The following SORCS3 variants were observed in gnomAD, a reference collection of about 807,000 sequenced individuals.
SORCS3 encodes the protein sortilin related VPS10 domain containing receptor 3, also known as VPS10 domain-containing receptor SorCS3.
SORCS3 carries 57 observed loss-of-function variants against 146.3 expected under a neutral mutation model. The ratio of observed to expected loss-of-function variants is 0.39; its 90% CI spans 0.31 to 0.49. SORCS3 has a LOEUF of 0.49. Ranked by LOEUF, SORCS3 falls within the 20% of genes least tolerant of loss-of-function variation. SORCS3 has a pLI of 0.92. For missense variants in SORCS3, 1,341 were observed against 1,575.5 expected (o/e 0.85, Z 2.52); for synonymous variants, 653 against 618.5 (o/e 1.06, Z -0.83).
At position 104,646,341 on chromosome 10, in the gene SORCS3, T is replaced by G. The variant is rs1429099559; in HGVS notation, c.627+4387T>G. On this transcript the variant is annotated intron_variant, in intron 1 of 26. Transcript: ENST00000369701. Reference sequence around the variant, plus strand: ...TGCTTTGTAGCTGGCAAAGAAGGAATGCCCGGGAGTGGCTTCTCCAGTGGT... The same window carrying G: ...TGCTTTGTAGCTGGCAAAGAAGGAAGGCCCGGGAGTGGCTTCTCCAGTGGT... Among the ~76,000 whole-genome samples, 4 of 152,232 alleles carry G rather than the reference T, an allele frequency of 2.6e-5. No homozygotes were observed. The East Asian group carries it at 7.7e-4, about 29-fold the overall frequency.
At chr10:104,902,626 G>C (rs1310492472) in intron 2 of SORCS3, among the ~76,000 whole-genome samples, 1 of 152,228 alleles carries the variant, frequency 6.6e-6, no homozygotes, top group South Asian at 2.1e-4. Context: ...GGAAGTGGCT[G>C]TCTTCATCTT....
chr10:104,930,827 C>T (rs188591046), intron 3 of SORCS3, among the ~76,000 whole-genome samples: 36 of 152,244 alleles, frequency 2.4e-4, no homozygotes, highest in Non-Finnish European at 3.5e-4. Context: ...TCTCTTTCCT[C>T]GTCTGTGTAA....
chr10:105,066,769 G>T lies in SORCS3; in HGVS notation c.1029-23006G>T, dbSNP rs182549667. 6.6e-5 allele frequency among the ~76,000 whole-genome samples: 10 copies of T among 152,000 alleles called. No individual in the cohort carries two copies. The Middle Eastern group carries it at 0.014, about 207-fold the overall frequency. The stretch of plus-strand genomic sequence containing the variant: ...TATTCCTCCTATTTGGAGGAGTCAG[G>T]CTCCTCCAAATCATGACCATTTCTT... On this transcript the variant is annotated intron_variant, in intron 5 of 26. Coordinates refer to ENST00000369701, the MANE Select transcript of SORCS3 (RefSeq NM_014978.3).
chr10:104,653,644 T>C (rs994441165), intron 1 of SORCS3, among the ~76,000 whole-genome samples: 2 of 152,202 alleles, frequency 1.3e-5, no homozygotes. Flanking sequence ...ATATTAATGC[T>C]TTAAAAATTT....
chr10:105,195,066 G>T (rs1030740150), intron 14 of SORCS3, among the ~76,000 whole-genome samples: 1 of 152,098 alleles, frequency 6.6e-6, no homozygotes, highest in Non-Finnish European at 1.5e-5. Flanking sequence ...AGTATTGCCC[G>T]ATTTGAGAAT....
At chr10:104,854,991 T>C (rs2018314072) in intron 2 of SORCS3, among the ~76,000 whole-genome samples, 1 of 152,228 alleles carries the variant, frequency 6.6e-6, no homozygotes, top group African/African-American at 2.4e-5. Flanking sequence ...TTCTAGTTTT[T>C]GGCTATGGAA....
chr10:104,804,135 A>G (rs1045946690), intron 1 of SORCS3, among the ~76,000 whole-genome samples: 5 of 152,322 alleles, frequency 3.3e-5, no homozygotes, highest in African/African-American at 1.2e-4. Flanking sequence ...CAATTTCCAC[A>G]GCTTTTTCAC....
rs377206312 is a variant in SORCS3 at position 105,217,140 on chromosome 10, T to G, written c.2734+18T>G. The G allele has an allele frequency of 1.2e-4, 190 of 1,611,516 alleles. 1 individual carries two copies. In the Admixed American group the frequency reaches 3.2e-3, roughly 27 times the overall value. ...TGTGGTTTGTAAGTAGGAGGCACCA[T>G]CCCCGTTTTCCCTTTGTTCCCAGTT... On this transcript the variant is annotated intron_variant, in intron 19 of 26. Transcript: ENST00000369701.
intron 1 of SORCS3, among the ~76,000 whole-genome samples, chr10:104,741,424 A>G (rs2016841215): frequency 6.6e-6 from 1 of 151,868 alleles, no homozygotes; most frequent in Non-Finnish European, 1.5e-5. Flanking sequence ...ACTGATGTGC[A>G]TTTCTTGGGT....
chr10:104,685,802 C>T (rs2016036934), intron 1 of SORCS3, among the ~76,000 whole-genome samples: 1 of 152,102 alleles, frequency 6.6e-6, no homozygotes, highest in South Asian at 2.1e-4. Flanking sequence ...CTAGTTCTAC[C>T]CTTTAAATGT....
At chr10:105,186,963 A>G (rs987676196) in intron 14 of SORCS3, among the ~76,000 whole-genome samples, 22 of 150,950 alleles carry the variant, frequency 1.5e-4, no homozygotes, top group Non-Finnish European at 2.7e-4. Context: ...CCTTGTTTCC[A>G]TCTCTTAGAG....
At chr10:105,218,405 G>T (rs562438788) in intron 19 of SORCS3, among the ~76,000 whole-genome samples, 1 of 152,196 alleles carries the variant, frequency 6.6e-6, no homozygotes, top group Non-Finnish European at 1.5e-5. Context: ...CTTAAAATGT[G>T]CAAGGCACTC....
At chr10:104,673,672 A>C (rs1428433140) in intron 1 of SORCS3, among the ~76,000 whole-genome samples, 1 of 151,986 alleles carries the variant, frequency 6.6e-6, no homozygotes, top group Non-Finnish European at 1.5e-5. Flanking sequence ...GGCTGATCTC[A>C]AATTCCTGGG....
At chr10:105,086,959 G>C (rs2055665150) in intron 5 of SORCS3, among the ~76,000 whole-genome samples, 1 of 152,136 alleles carries the variant, frequency 6.6e-6, no homozygotes, top group Admixed American at 6.5e-5. Context: ...AATTGCTTTT[G>C]GTGTTTTAGT....
chr10:104,977,060 A>C (rs2054903247), intron 3 of SORCS3, among the ~76,000 whole-genome samples: 1 of 152,018 alleles, frequency 6.6e-6, no homozygotes, highest in Non-Finnish European at 1.5e-5. Flanking sequence ...GAAGTATAAT[A>C]ATAAAAAAAA....
At chr10:105,118,240 GT>G (rs1320860483) in intron 7 of SORCS3, among the ~76,000 whole-genome samples, 4 of 152,260 alleles carry the variant, frequency 2.6e-5, no homozygotes, top group East Asian at 1.9e-4. Flanking sequence ...AGATCTGATG[GT>G]TTTTTAAGGG....
intron 4 of SORCS3, among the ~76,000 whole-genome samples, chr10:105,018,280 T>C (rs948434928): frequency 7.9e-5 from 12 of 152,344 alleles, no homozygotes; most frequent in Admixed American, 2.6e-4. Context: ...TCAGTAACTC[T>C]GGTGGAAAGA....
intron 9 of SORCS3, among the ~76,000 whole-genome samples, chr10:105,151,714 C>T (rs999250251): frequency 7.9e-5 from 12 of 151,782 alleles, no homozygotes; most frequent in African/African-American, 1.7e-4. Flanking sequence ...ATCAACCCCA[C>T]TGAACTCCCC....
At chr10:104,693,278 C>T (rs541619872) in intron 1 of SORCS3, among the ~76,000 whole-genome samples, 1 of 152,264 alleles carries the variant, frequency 6.6e-6, no homozygotes, top group African/African-American at 2.4e-5. Context: ...TGAGGATGCC[C>T]TCACGGATGT....
Sources: allele counts gnomAD v4.1 joint callset (sites outside exome capture counted in the v4.1 genomes callset), GRCh38; gene constraint gnomAD v4.1.1; transcripts MANE v1.5; gene names NCBI Gene and HGNC (gene_info 2026-07-23, HGNC 2026-07-21).